HTR2A: variants seen among roughly 807,000 people sequenced by gnomAD.
The protein encoded by HTR2A is 5-hydroxytryptamine receptor 2A.
Under a neutral mutation model 31.0 loss-of-function variants are expected in HTR2A, and 14 were observed. The ratio of observed to expected loss-of-function variants is 0.45; its 90% CI spans 0.30 to 0.71. HTR2A has a LOEUF of 0.71. Among genes scored for constraint, HTR2A ranks in the 30% least tolerant of loss-of-function variants. The pLI, the probability that HTR2A is intolerant of heterozygous loss-of-function variation, is 0.09. For synonymous variants in HTR2A, 209 were observed against 225.2 expected (o/e 0.93, Z 0.64); for missense variants, 442 against 573.3 (o/e 0.77, Z 2.34).
intron 3 of HTR2A, among the ~76,000 whole-genome samples, chr13:46,845,810 TGGGAGAAA>T (rs1336944463): frequency 2.0e-5 from 3 of 152,112 alleles, no homozygotes; most frequent in African/African-American, 4.8e-5. Flanking sequence ...AAAGGGTGAA[TGGGAGAAA>T]GGAAAATAAT....
chr13:46,887,448 G>A (rs1487505895), intron 3 of HTR2A, among the ~76,000 whole-genome samples: 1 of 139,312 alleles, frequency 7.2e-6, no homozygotes, highest in Admixed American at 7.3e-5. Flanking sequence ...AAATTATCAG[G>A]CATACACAGT....
chr13:46,861,936 A>G (rs946038836), intron 3 of HTR2A, among the ~76,000 whole-genome samples: 2 of 152,232 alleles, frequency 1.3e-5, no homozygotes, highest in South Asian at 4.1e-4. Flanking sequence ...CTAGATAATG[A>G]GGAATATTGG....
intron 3 of HTR2A, among the ~76,000 whole-genome samples, chr13:46,845,764 T>C (rs1052149923): frequency 3.3e-5 from 5 of 151,968 alleles, no homozygotes; most frequent in Non-Finnish European, 7.4e-5. Context: ...TGAAGTTACA[T>C]AGCATGTATC....
Position 46,895,781 on chromosome 13 carries a change from T to C in HTR2A, c.126A>G (p.Ala42=). ...TTTCAGAGTCGACTGTCCAGTTAAA[T>C]GCATCAGAAGTGTTAGCTTCTCCGG... ...FNSGEANTSD[A]FNWTVDSENR... Residue 42 remains alanine (A), a synonymous_variant, in exon 2 of 4, where the codon GCA becomes GCG. Transcript: ENST00000542664. The surrounding 1 kb of genome is among the most constrained non-coding windows in gnomAD (Gnocchi z 4.4). The C allele has an allele frequency of 6.2e-7, 1 of 1,614,206 alleles. No homozygotes were observed. Among genetic ancestry groups the C allele is most frequent in the Non-Finnish European group, 8.5e-7 (1 of 1,180,032 alleles).
upstream of HTR2A, among the ~76,000 whole-genome samples, chr13:46,897,778 C>G (rs1170471713): frequency 3.9e-5 from 6 of 152,144 alleles, no homozygotes; most frequent in African/African-American, 1.4e-4. Context: ...CACTCTCATG[C>G]CTTCAATATG....
intron 2 of HTR2A, 87 bp from the exon 3 acceptor site, chr13:46,892,677 G>T: frequency 8.7e-7 from 1 of 1,146,082 alleles, no homozygotes; most frequent in Non-Finnish European, 1.3e-6. Context: ...TCCAGCTCTG[G>T]GACAGGCACA....
At chr13:46,862,277 G>A (rs1232907883) in intron 3 of HTR2A, among the ~76,000 whole-genome samples, 1 of 152,190 alleles carries the variant, frequency 6.6e-6, no homozygotes, top group Admixed American at 6.5e-5. Context: ...GAGGAGATAG[G>A]CTCAAAGCAA....
chr13:46,875,538 C>T (rs1408505707), intron 3 of HTR2A, among the ~76,000 whole-genome samples: 1 of 152,116 alleles, frequency 6.6e-6, no homozygotes, highest in African/African-American at 2.4e-5. Flanking sequence ...GAAGACATCA[C>T]TTTTTAAAGT....
intron 3 of HTR2A, among the ~76,000 whole-genome samples, chr13:46,842,026 C>T (rs1346977840): frequency 1.3e-5 from 2 of 152,168 alleles, no homozygotes; most frequent in African/African-American, 4.8e-5. Flanking sequence ...AGCTTAATTT[C>T]ATCATTCTAC....
intron 3 of HTR2A, among the ~76,000 whole-genome samples, chr13:46,876,759 A>G (rs1950917317): frequency 6.6e-6 from 1 of 152,012 alleles, no homozygotes; most frequent in Non-Finnish European, 1.5e-5. Context: ...TATATCTGTC[A>G]AACTCTTTTG....
At chr13:46,859,680 G>A (rs374831976) in intron 3 of HTR2A, among the ~76,000 whole-genome samples, 1 of 152,028 alleles carries the variant, frequency 6.6e-6, no homozygotes, top group East Asian at 1.9e-4. Flanking sequence ...TTCCCCTTCT[G>A]CCATGATTGA....
At chr13:46,894,869 G>A (rs1420393806) in intron 2 of HTR2A, among the ~76,000 whole-genome samples, 1 of 152,164 alleles carries the variant, frequency 6.6e-6, no homozygotes, top group East Asian at 1.9e-4. Context: ...TCAAAGAGTT[G>A]AGGATATAAT....
At chr13:46,882,064 A>C (rs1950969525) in intron 3 of HTR2A, among the ~76,000 whole-genome samples, 1 of 152,160 alleles carries the variant, frequency 6.6e-6, no homozygotes. Context: ...TTGCTCATAA[A>C]AAAAGAAGTA....
At chr13:46,848,496 A>G (rs1452986494) in intron 3 of HTR2A, among the ~76,000 whole-genome samples, 1 of 152,200 alleles carries the variant, frequency 6.6e-6, no homozygotes, top group African/African-American at 2.4e-5. Context: ...AAAGTGGGGG[A>G]AAACCCCACA....
At chr13:46,835,841 C>A (rs1468293390) in intron 3 of HTR2A, among the ~76,000 whole-genome samples, 1 of 152,006 alleles carries the variant, frequency 6.6e-6, no homozygotes, top group Admixed American at 6.6e-5. Context: ...TGTTATATTG[C>A]CCTATATAGC....
rs1271233987 is a variant in HTR2A at position 46,831,946 on chromosome 13, C to T, written c.*2891G>A. 6.6e-6 allele frequency: 1 copy of T among 152,126 alleles called. No individual in the cohort carries two copies. The highest frequency in any genetic ancestry group is 1.5e-5 in the Non-Finnish European group (1 of 68,018). 9.4% of individuals were successfully genotyped at this position (152,126 alleles called of 1,614,324 possible). On this transcript the variant is annotated 3_prime_UTR_variant, in exon 4 of 4. Coordinates refer to ENST00000542664, the MANE Select transcript of HTR2A (RefSeq NM_000621.5). ...TAATAGTATTCATTAAAAGTGAATCCTTTAATCACAGATCCATAAATCATT... is the reference window on the plus strand; with the variant it reads ...TAATAGTATTCATTAAAAGTGAATCTTTTAATCACAGATCCATAAATCATT...
intron 3 of HTR2A, among the ~76,000 whole-genome samples, chr13:46,889,821 G>C (rs1025166546): frequency 1.3e-5 from 2 of 152,200 alleles, no homozygotes; most frequent in African/African-American, 4.8e-5. Context: ...GAGAATATTT[G>C]TGCTGAGTCT....
chr13:46,895,364 A>G lies in HTR2A; in HGVS notation c.412+131T>C. ...AAGAGTAAAATATAAGTAACATAGT[A>G]GGCTCTAGTCTATAAACAAAGACTT... On this transcript the variant is annotated intron_variant, in intron 2 of 3. Coordinates refer to ENST00000542664, the MANE Select transcript of HTR2A (RefSeq NM_000621.5). The surrounding 1 kb of genome is among the most constrained non-coding windows in gnomAD (Gnocchi z 4.4). 3 of 742,232 alleles carry G rather than the reference A, an allele frequency of 4.0e-6. No homozygotes were observed. The highest frequency in any genetic ancestry group is 2.9e-5 in the Admixed American group (1 of 34,164). 46.0% of individuals were successfully genotyped at this position (742,232 alleles called of 1,614,324 possible).
Position 46,896,974 on chromosome 13 carries a change from C to A in HTR2A, c.-629G>T. On this transcript the variant is annotated 5_prime_UTR_variant, in exon 1 of 4. Transcript: ENST00000542664. ...CATTCACGAGCCCCTCAAAGTCGCA[C>A]AAAAGAACTGCATGGGAAAGTAGGA... 1.5e-6 allele frequency: 1 copy of A among 681,246 alleles called. No individual in the cohort carries two copies. The highest frequency in any genetic ancestry group is 1.8e-5 in the South Asian group (1 of 55,086). 42.2% of individuals were successfully genotyped at this position (681,246 alleles called of 1,614,324 possible).
Sources: gnomAD v4.1 joint callset for allele counts (sites outside exome capture counted in the v4.1 genomes callset) on GRCh38, gnomAD v4.1.1 for gene constraint, Gnocchi (gnomAD v3.1) non-coding constraint, MANE v1.5 for transcripts, NCBI Gene and HGNC (gene_info 2026-07-23, HGNC 2026-07-21) for gene names.